PCDHGA5: variants seen among roughly 807,000 people sequenced by gnomAD.
PCDHGA5 encodes protocadherin gamma-A5.
Under a neutral mutation model 56.7 loss-of-function variants are expected in PCDHGA5, and 36 were observed. That is an observed-to-expected ratio of 0.64 (90% CI 0.49 to 0.84). The LOEUF (loss-of-function observed/expected upper bound fraction) is 0.84, where lower values mean the gene tolerates loss of function less well. Among genes scored for constraint, PCDHGA5 ranks in the 40% least tolerant of loss-of-function variants. The pLI is 0.00. For synonymous variants in PCDHGA5, 563 were observed against 520.2 expected (o/e 1.08, Z -1.12); for missense variants, 1,305 against 1,201.5 (o/e 1.09, Z -1.27).
chr5:141,458,385 C>T (rs1371423838), intron 1 of PCDHGA5, among the ~76,000 whole-genome samples: 15 of 152,104 alleles, frequency 9.9e-5, no homozygotes, highest in East Asian at 1.9e-4. Context: ...AGAAGGAAGA[C>T]GCTCCCCCTT....
chr5:141,404,992 C>G (rs2094593837), intron 1 of PCDHGA5: 5 of 1,613,876 alleles, frequency 3.1e-6, no homozygotes, highest in Admixed American at 3.3e-5. Context: ...GTCTTCAGAT[C>G]CCTGCAGACC....
Position 141,486,986 on chromosome 5 carries a change from T to C in PCDHGA5, c.2422-7821T>C. Reference sequence around the variant, plus strand: ...GGACTTGGATTCAGGTTACAATGCTTGGGTTTCCTATCAGCTCCTGGAGGC... The same window carrying C: ...GGACTTGGATTCAGGTTACAATGCTCGGGTTTCCTATCAGCTCCTGGAGGC... On this transcript the variant is annotated intron_variant, in intron 1 of 3. Coordinates refer to ENST00000518069, the MANE Select transcript of PCDHGA5 (RefSeq NM_018918.3). The surrounding 1 kb of genome is among the most constrained non-coding windows in gnomAD (Gnocchi z 5.0). 6.2e-7 allele frequency: 1 copy of C among 1,614,214 alleles called. No homozygotes were observed. Among genetic ancestry groups the C allele is most frequent in the South Asian group, 1.1e-5 (1 of 91,088 alleles).
In PCDHGA5 at chr5:141,413,958, G is replaced by A. The variant is rs774080265; in HGVS notation, c.2421+47207G>A. On this transcript the variant is annotated intron_variant, in intron 1 of 3. Coordinates refer to ENST00000518069, the MANE Select transcript of PCDHGA5 (RefSeq NM_018918.3). ...TGAGTGTTCCTGAGAATTTGCCTGT[G>A]GGCACTCAGCTGCTGACAGTCACAG... The A allele has an allele frequency of 5.0e-6, 8 of 1,613,276 alleles. No individual in the cohort carries two copies. In the South Asian group the frequency reaches 6.6e-5, roughly 13 times the overall value.
intron 1 of PCDHGA5, among the ~76,000 whole-genome samples, chr5:141,473,191 G>C (rs28479996): frequency 6.6e-6 from 1 of 152,134 alleles, no homozygotes; most frequent in South Asian, 2.1e-4. Flanking sequence ...AGGAGTAAAT[G>C]TATCTTCTAA....
intron 1 of PCDHGA5, among the ~76,000 whole-genome samples, chr5:141,482,188 G>C (rs1178289472): frequency 2.6e-5 from 4 of 152,122 alleles, no homozygotes; most frequent in African/African-American, 9.7e-5. Context: ...CGATGCTCCA[G>C]TTCTAGTAAA....
In PCDHGA5 at chr5:141,487,819, C is replaced by A; in HGVS notation, c.2422-6988C>A. 2.3e-6 allele frequency: 3 copies of A among 1,285,528 alleles called. No homozygotes were observed. Among genetic ancestry groups the A allele is most frequent in the Non-Finnish European group, 3.2e-6 (3 of 932,998 alleles). 79.6% of individuals were successfully genotyped at this position (1,285,528 alleles called of 1,614,324 possible). On this transcript the variant is annotated intron_variant, in intron 1 of 3. Transcript: ENST00000518069. This position sits in a 1 kb window ranked among gnomAD's most constrained non-coding sequence, Gnocchi z 5.0. ...AGTTGTCACAGTTTAGCATTGGGGG[C>A]GGGTCATGCCTATATCTGAGTAAGA...
intron 1 of PCDHGA5, 106 bp downstream of exon 1, chr5:141,366,857 T>C: frequency 6.9e-6 from 10 of 1,438,966 alleles, no homozygotes; most frequent in Non-Finnish European, 9.4e-6. Flanking sequence ...AGTGGAACAT[T>C]ATTTGCTGTA....
intron 1 of PCDHGA5, chr5:141,372,919 A>G (rs1404152823): frequency 2.0e-6 from 2 of 1,017,920 alleles, no homozygotes; most frequent in Non-Finnish European, 2.8e-6. Flanking sequence ...TATTTTATTG[A>G]TTTTCTGGTG....
intron 1 of PCDHGA5, chr5:141,390,623 T>C (rs2092193421): frequency 3.8e-6 from 1 of 264,274 alleles, no homozygotes; most frequent in African/African-American, 2.3e-5. Flanking sequence ...TGTTGACTAA[T>C]ATATGATGAA....
chr5:141,400,793 C>T, intron 1 of PCDHGA5: 2 of 561,880 alleles, frequency 3.6e-6, no homozygotes, highest in Admixed American at 3.5e-5. Context: ...TGTCCTCTTT[C>T]TCAAAGCTAA....
At chr5:141,435,052 T>C (rs922871138) in intron 1 of PCDHGA5, among the ~76,000 whole-genome samples, 1 of 152,174 alleles carries the variant, frequency 6.6e-6, no homozygotes, top group African/African-American at 2.4e-5. Context: ...CCATTGACCA[T>C]GCAGCAGTTT....
At chr5:141,398,242 G>A (rs768096349) in intron 1 of PCDHGA5, 11 of 1,476,422 alleles carry the variant, frequency 7.5e-6, no homozygotes, top group Admixed American at 6.1e-5. Context: ...CAGGATTCCC[G>A]AGGAAATGCC....
intron 1 of PCDHGA5, chr5:141,393,374 T>G (rs11575958): frequency 0.026 from 42,476 of 1,613,728 alleles, 744 homozygotes; most frequent in East Asian, 0.04. Flanking sequence ...CTGGAGACAA[T>G]GGAGCCATAA....
intron 1 of PCDHGA5, chr5:141,426,871 A>G (rs887250057): frequency 2.2e-6 from 1 of 456,722 alleles, no homozygotes; most frequent in Non-Finnish European, 4.4e-6. Flanking sequence ...GTGCTGGAGA[A>G]GCCCCTGGGC....
intron 1 of PCDHGA5, chr5:141,427,070 G>A (rs929936578): frequency 3.1e-5 from 14 of 457,822 alleles, no homozygotes; most frequent in Non-Finnish European, 6.2e-5. Context: ...TACTAAAGGT[G>A]ACAGCCACTG....
chr5:141,395,248 T>A, intron 1 of PCDHGA5: 1 of 1,561,360 alleles, frequency 6.4e-7, no homozygotes, highest in Non-Finnish European at 8.7e-7. Flanking sequence ...GTGAGTTTAG[T>A]TCTTTGCTTG....
At chr5:141,408,608 A>C in intron 1 of PCDHGA5, 1 of 1,614,072 alleles carries the variant, frequency 6.2e-7, no homozygotes, top group South Asian at 1.1e-5. Context: ...ATTTGATAAA[A>C]AGGAAATACA....
At position 141,421,819 on chromosome 5, in the gene PCDHGA5, G is replaced by C. The variant is rs752366104; in HGVS notation, c.2421+55068G>C. The C allele has an allele frequency of 3.8e-5, 61 of 1,613,688 alleles. No homozygotes were observed. Among genetic ancestry groups the C allele is most frequent in the Non-Finnish European group, 4.9e-5 (58 of 1,179,892 alleles). ...GGCCAAGAATCCAGAGCTAGTACTG[G>C]AGGGAAGCCTGGACCGAGAGAAAGA... On this transcript the variant is annotated intron_variant, in intron 1 of 3. Coordinates refer to ENST00000518069, the MANE Select transcript of PCDHGA5 (RefSeq NM_018918.3).
intron 1 of PCDHGA5, chr5:141,414,590 G>C (rs1287207695): frequency 1.2e-6 from 2 of 1,613,936 alleles, no homozygotes; most frequent in South Asian, 1.1e-5. Flanking sequence ...AACGCCAGGG[G>C]TGCCTCCATC....
Sources: allele counts gnomAD v4.1 joint callset (sites outside exome capture counted in the v4.1 genomes callset), GRCh38; gene constraint gnomAD v4.1.1; non-coding constraint Gnocchi (gnomAD v3.1); transcripts MANE v1.5; gene names NCBI Gene and HGNC (gene_info 2026-07-23, HGNC 2026-07-21).